Variants in OPCML observed in about 807,000 individuals in gnomAD.
OPCML encodes the protein opioid binding protein/cell adhesion molecule like.
OPCML carries 13 observed loss-of-function variants against 37.8 expected under a neutral mutation model. The observed-to-expected ratio is 0.34, with a 90% CI of 0.22 to 0.55. The LOEUF is 0.55. Among genes scored for constraint, OPCML ranks in the 20% least tolerant of loss-of-function variants. OPCML has a pLI of 0.91. For synonymous variants in OPCML, 176 were observed against 168.8 expected (o/e 1.04, Z -0.33); for missense variants, 341 against 435.6 (o/e 0.78, Z 1.93).
At chr11:132,624,466 T>C (rs1259335762) in intron 3 of OPCML, among the ~76,000 whole-genome samples, 1 of 152,210 alleles carries the variant, frequency 6.6e-6, no homozygotes, top group Non-Finnish European at 1.5e-5. Context: ...ATCACGCACC[T>C]CATACTCTCT....
chr11:132,537,129 A>G (rs563919787), intron 3 of OPCML, among the ~76,000 whole-genome samples: 16 of 152,200 alleles, frequency 1.1e-4, no homozygotes, highest in Non-Finnish European at 2.2e-4. Context: ...AAAATAGTTC[A>G]TGTTTATTTC....
chr11:132,916,832 C>G (rs572134477), intron 2 of OPCML, among the ~76,000 whole-genome samples: 7 of 152,320 alleles, frequency 4.6e-5, no homozygotes, highest in Non-Finnish European at 1.0e-4. Context: ...GAGGATCTTA[C>G]TGCAGTCGGC....
intron 4 of OPCML, among the ~76,000 whole-genome samples, chr11:132,507,028 A>C (rs1252763428): frequency 6.6e-6 from 1 of 152,008 alleles, no homozygotes; most frequent in Non-Finnish European, 1.5e-5. Flanking sequence ...GCAAATGTAC[A>C]TTTAGTATTA....
chr11:133,204,956 C>T (rs1938999163), intron 1 of OPCML, among the ~76,000 whole-genome samples: 1 of 144,622 alleles, frequency 6.9e-6, no homozygotes, highest in Non-Finnish European at 1.5e-5. Context: ...TGGAACACTG[C>T]TCTGAAAACC....
intron 1 of OPCML, among the ~76,000 whole-genome samples, chr11:133,397,043 G>A (rs1945302640): frequency 6.6e-6 from 1 of 152,176 alleles, no homozygotes; most frequent in Admixed American, 6.5e-5. Context: ...AGCACTCCAT[G>A]TCTATTTTTT....
At chr11:133,499,808 G>C (rs899790089) in intron 1 of OPCML, among the ~76,000 whole-genome samples, 1 of 133,054 alleles carries the variant, frequency 7.5e-6, no homozygotes, top group Non-Finnish European at 1.6e-5. Flanking sequence ...ATATGTGTGT[G>C]TATATATATA....
chr11:133,040,296 C>G (rs1396192928), intron 1 of OPCML, among the ~76,000 whole-genome samples: 2 of 152,172 alleles, frequency 1.3e-5, no homozygotes, highest in East Asian at 3.9e-4. Flanking sequence ...CTCAAGCTCA[C>G]TCCTAACATT....
At chr11:132,778,309 C>T (rs116897620) in intron 2 of OPCML, among the ~76,000 whole-genome samples, 54 of 152,364 alleles carry the variant, frequency 3.5e-4, no homozygotes, top group African/African-American at 1.3e-3. Context: ...CACACTGCTG[C>T]GTGCTAGCAA....
In OPCML at chr11:132,754,085, G is replaced by T. The variant is rs1184600128; in HGVS notation, c.147-96766C>A. The stretch of plus-strand genomic sequence containing the variant: ...GAGTGCCAGCTCCACTAAGGGAAGG[G>T]AAGCCAGCAGGGTGCAGCTGCAGGG... On this transcript the variant is annotated intron_variant, in intron 2 of 7. Coordinates refer to ENST00000524381, the MANE Select transcript of OPCML (RefSeq NM_001012393.5). Among the ~76,000 whole-genome samples the T allele has an allele frequency of 5.9e-5, 9 of 152,226 alleles. 1 individual carries two copies. The highest frequency in any genetic ancestry group is 1.3e-4 in the Non-Finnish European group (9 of 68,050).
chr11:132,589,335 C>T (rs1164423010), intron 3 of OPCML, among the ~76,000 whole-genome samples: 2 of 152,100 alleles, frequency 1.3e-5, no homozygotes, highest in African/African-American at 4.8e-5. Context: ...AAAAGTAGCC[C>T]ATTGAACATC....
At chr11:133,343,060 C>T (rs1289922426) in intron 1 of OPCML, among the ~76,000 whole-genome samples, 3 of 152,088 alleles carry the variant, frequency 2.0e-5, no homozygotes, top group Non-Finnish European at 4.4e-5. Flanking sequence ...ACCTCCTAGC[C>T]TCAAACAATC....
intron 1 of OPCML, among the ~76,000 whole-genome samples, chr11:133,459,465 C>T (rs1946809061): frequency 6.6e-6 from 1 of 151,878 alleles, no homozygotes; most frequent in South Asian, 2.1e-4. Flanking sequence ...CAAGCATATC[C>T]TATATATAAG....
chr11:133,004,745 G>A (rs1288047511), intron 1 of OPCML: 20 of 985,230 alleles, frequency 2.0e-5, no homozygotes, highest in Non-Finnish European at 2.3e-5. Context: ...CACACCGGAC[G>A]CGTGGATGGA....
intron 1 of OPCML, among the ~76,000 whole-genome samples, chr11:133,243,946 C>A (rs1940823388): frequency 6.6e-6 from 1 of 152,182 alleles, no homozygotes; most frequent in Non-Finnish European, 1.5e-5. Flanking sequence ...ACACCAAGTC[C>A]TAAAGGCATC....
At chr11:133,488,975 T>C (rs532277611) in intron 1 of OPCML, among the ~76,000 whole-genome samples, 8 of 133,690 alleles carry the variant, frequency 6.0e-5, no homozygotes, top group Non-Finnish European at 9.1e-5. Context: ...AAATGTGCAC[T>C]GGGGAAAGGA....
chr11:133,185,157 T>C (rs1938015021), intron 1 of OPCML, among the ~76,000 whole-genome samples: 1 of 152,208 alleles, frequency 6.6e-6, no homozygotes, highest in African/African-American at 2.4e-5. Flanking sequence ...AGAGCTAGTG[T>C]CAATCTATCA....
intron 2 of OPCML, among the ~76,000 whole-genome samples, chr11:132,777,907 C>A (rs1946863107): frequency 6.6e-6 from 1 of 152,080 alleles, no homozygotes; most frequent in Non-Finnish European, 1.5e-5. Flanking sequence ...CTCTCTTTTT[C>A]TTTTTACTCA....
intron 2 of OPCML, among the ~76,000 whole-genome samples, chr11:132,698,997 C>T (rs1943705670): frequency 6.6e-6 from 1 of 152,086 alleles, no homozygotes; most frequent in Admixed American, 6.5e-5. Context: ...AATTCAGGAA[C>T]ATGAGATATC....
intron 2 of OPCML, among the ~76,000 whole-genome samples, chr11:132,789,188 T>C (rs1344440959): frequency 2.0e-5 from 3 of 152,196 alleles, no homozygotes; most frequent in Non-Finnish European, 4.4e-5. Context: ...TACGTTGACT[T>C]CTCTGATAAC....
Sources: gnomAD v4.1 joint callset for allele counts (sites outside exome capture counted in the v4.1 genomes callset) on GRCh38, gnomAD v4.1.1 for gene constraint, MANE v1.5 for transcripts, NCBI Gene and HGNC (gene_info 2026-07-23, HGNC 2026-07-21) for gene names.